Variants in PPP2R3A observed in about 807,000 individuals in gnomAD.
PPP2R3A encodes serine/threonine-protein phosphatase 2A regulatory subunit B'' subunit alpha.
Under a neutral mutation model 106.9 loss-of-function variants are expected in PPP2R3A, and 80 were observed. That is an observed-to-expected ratio of 0.75 (90% CI 0.62 to 0.90). The LOEUF (loss-of-function observed/expected upper bound fraction) is 0.90. PPP2R3A is among the 40% of genes least tolerant of loss of function. The pLI is 0.00. For synonymous variants in PPP2R3A, 483 were observed against 468.3 expected, an observed-to-expected ratio of 1.03 and a Z score of -0.41; for missense variants, 1,386 against 1,350.4, an observed-to-expected ratio of 1.03 and a Z score of -0.41.
chr3:135,989,616 C>T (rs374812251), intron 1 of PPP2R3A, among the ~76,000 whole-genome samples: 2 of 152,030 alleles, frequency 1.3e-5, no homozygotes, highest in South Asian at 4.1e-4. Context: ...TATGTCTTAC[C>T]TTCTTTCTGC....
At chr3:136,000,655 T>C (rs1317806562) in intron 1 of PPP2R3A, among the ~76,000 whole-genome samples, 1 of 152,196 alleles carries the variant, frequency 6.6e-6, no homozygotes, top group African/African-American at 2.4e-5. Context: ...GTAGAAAATA[T>C]GATTATAGAT....
chr3:136,004,032 T>C (rs1262041184), intron 2 of PPP2R3A, among the ~76,000 whole-genome samples: 1 of 152,162 alleles, frequency 6.6e-6, no homozygotes, highest in African/African-American at 2.4e-5. Context: ...TCTGAAACAG[T>C]TCATGAGCAT....
Position 136,091,081 on chromosome 3 carries a change from A to G in PPP2R3A, c.2927+414A>G, listed in dbSNP as rs148674227. 1.3e-3 allele frequency among the ~76,000 whole-genome samples: 191 copies of G among 152,314 alleles called. 2 individuals carry two copies. The East Asian group carries it at 0.023, about 19-fold the overall frequency. On this transcript the variant is annotated intron_variant, in intron 10 of 13. Coordinates refer to ENST00000264977, the MANE Select transcript of PPP2R3A (RefSeq NM_002718.5). ...CTCAGTCTGCCAGTTGAAATCATCT[A>G]TGCTTTTCCTTGGCACTCCCAGACA...
intron 10 of PPP2R3A, 41 bp from the exon 11 acceptor site, chr3:136,101,966 T>A: frequency 6.4e-7 from 1 of 1,572,762 alleles, no homozygotes; most frequent in Non-Finnish European, 8.7e-7. Context: ...AAATAAAAGG[T>A]CTTTACCAGG....
At position 136,005,102 on chromosome 3, in the gene PPP2R3A, G is replaced by A. The variant is rs558017496; in HGVS notation, c.1995+1609G>A. ...TTTGGGCACCAACATGATGCCACAA[G>A]TGGAAAATTCTGCACCTGACCTTGT... is the stretch of plus-strand genomic sequence containing the variant. On this transcript the variant is annotated intron_variant, in intron 2 of 13. Coordinates refer to ENST00000264977, the MANE Select transcript of PPP2R3A (RefSeq NM_002718.5). Among the ~76,000 whole-genome samples, 8 of 152,256 alleles carry A rather than the reference G, an allele frequency of 5.3e-5. No homozygotes were observed. In the South Asian group the frequency reaches 1.7e-3, roughly 32 times the overall value.
chr3:136,102,433 G>A lies in PPP2R3A; in HGVS notation c.3103+251G>A, dbSNP rs899679488. On this transcript the variant is annotated intron_variant, in intron 11 of 13. Transcript: ENST00000264977. ...GTGATCTCAGCTCACTGCAACCTCCGCCTCCTGGGTTCAAGTGATTCTCCT... is the reference window on the plus strand; with the variant it reads ...GTGATCTCAGCTCACTGCAACCTCCACCTCCTGGGTTCAAGTGATTCTCCT... 4.2e-5 allele frequency among the ~76,000 whole-genome samples: 6 copies of A among 141,738 alleles called. No individual in the cohort carries two copies. In the South Asian group the frequency reaches 9.1e-4, roughly 22 times the overall value. The allele number at this position is 141,738 out of a possible 152,430, so 93.0% of individuals were successfully genotyped here.
chr3:135,966,091 C>A (rs993337350), intron 1 of PPP2R3A, among the ~76,000 whole-genome samples: 4 of 151,994 alleles, frequency 2.6e-5, no homozygotes, highest in Non-Finnish European at 5.9e-5. Context: ...TCCCGGGACA[C>A]GGCACCAGGG....
rs911886187 is a variant in PPP2R3A, at chr3:136,146,842, A to G, written c.*1676A>G. 8 of 152,220 alleles carry G rather than the reference A, an allele frequency of 5.3e-5. No homozygotes were observed. The highest frequency in any genetic ancestry group is 1.9e-4 in the East Asian group (1 of 5,186). The allele number at this position is 152,220 out of a possible 1,614,324, so 9.4% of individuals were successfully genotyped here. A position where few individuals can be genotyped will look rare whatever the true frequency, so the allele number is the denominator to read the frequency against. On this transcript the variant is annotated 3_prime_UTR_variant, in exon 14 of 14. Coordinates refer to ENST00000264977, the MANE Select transcript of PPP2R3A (RefSeq NM_002718.5). The stretch of plus-strand genomic sequence containing the variant: ...CCAGCCTTTACCAGGGAAGAAAAGC[A>G]ATTATTTCATTTCAGATAGAAATAC...
intron 1 of PPP2R3A, among the ~76,000 whole-genome samples, chr3:135,976,278 C>T (rs1337883309): frequency 2.0e-5 from 3 of 152,176 alleles, no homozygotes; most frequent in Admixed American, 2.0e-4. Context: ...GGAGAAAGCA[C>T]TCCTTTCTTC....
Position 136,013,270 on chromosome 3 carries a change from G to A in PPP2R3A, c.1995+9777G>A, listed in dbSNP as rs141892800. Among the ~76,000 whole-genome samples, 3 of 151,870 alleles carry A rather than the reference G, an allele frequency of 2.0e-5. No individual in the cohort carries two copies. In the East Asian group the frequency reaches 5.8e-4, roughly 29 times the overall value. ...CACTCATTGATTGATGAGCATTTGG[G>A]CTGGTTCCATAGTTTTGCAATTGCA... On this transcript the variant is annotated intron_variant, in intron 2 of 13. Coordinates refer to ENST00000264977, the MANE Select transcript of PPP2R3A (RefSeq NM_002718.5).
At position 135,992,840 on chromosome 3, in the gene PPP2R3A, G is replaced by A. The variant is rs574863333; in HGVS notation, c.-440-8219G>A. Among the ~76,000 whole-genome samples the A allele has an allele frequency of 5.9e-5, 9 of 152,198 alleles. No homozygotes were observed. In the South Asian group the frequency reaches 1.9e-3, roughly 32 times the overall value. On this transcript the variant is annotated intron_variant, in intron 1 of 13. Transcript: ENST00000264977. ...TTTGAGCATATATAAGATGAGAAAC[G>A]GGGCAAAGCACAAAACTCTGAGGAA...
At chr3:135,997,200 C>T (rs1365856032) in intron 1 of PPP2R3A, among the ~76,000 whole-genome samples, 1 of 152,202 alleles carries the variant, frequency 6.6e-6, no homozygotes, top group Non-Finnish European at 1.5e-5. Flanking sequence ...TCTACCTACA[C>T]CACTTTTTTT....
chr3:136,103,786 C>T (rs181283801), intron 12 of PPP2R3A, among the ~76,000 whole-genome samples: 40 of 152,248 alleles, frequency 2.6e-4, no homozygotes, highest in Non-Finnish European at 5.0e-4. Context: ...TTCCCCATCA[C>T]GGTAAAAACT....
intron 13 of PPP2R3A, among the ~76,000 whole-genome samples, chr3:136,137,885 G>A (rs1938690213): frequency 6.6e-6 from 1 of 152,064 alleles, no homozygotes; most frequent in African/African-American, 2.4e-5. Context: ...TGGAAACTAA[G>A]GCACTATAGG....
chr3:135,986,765 G>T (rs569440663), intron 1 of PPP2R3A, among the ~76,000 whole-genome samples: 3 of 152,198 alleles, frequency 2.0e-5, no homozygotes, highest in Non-Finnish European at 4.4e-5. Flanking sequence ...AATTCTTTCT[G>T]TTGTGTCATC....
At chr3:136,115,437 A>G (rs1183412160) in intron 13 of PPP2R3A, among the ~76,000 whole-genome samples, 2 of 151,994 alleles carry the variant, frequency 1.3e-5, no homozygotes, top group East Asian at 1.9e-4. Context: ...AAGGTGGGTA[A>G]TAACAAACTG....
intron 3 of PPP2R3A, among the ~76,000 whole-genome samples, chr3:136,029,799 C>A (rs1016226556): frequency 6.6e-6 from 1 of 152,216 alleles, no homozygotes; most frequent in African/African-American, 2.4e-5. Context: ...GCCCTAAATT[C>A]TATTCATGGG....
chr3:136,056,946 C>T (rs986201741), intron 5 of PPP2R3A, among the ~76,000 whole-genome samples: 8 of 152,108 alleles, frequency 5.3e-5, no homozygotes, highest in Admixed American at 2.0e-4. Flanking sequence ...CTCAGCATCA[C>T]TAATCATCAG....
At chr3:136,064,439 G>A (rs2107895432) in intron 5 of PPP2R3A, among the ~76,000 whole-genome samples, 1 of 151,980 alleles carries the variant, frequency 6.6e-6, no homozygotes. Context: ...ACTCTGGAGG[G>A]GTGCATGGGT....
Sources: gnomAD v4.1 joint callset for allele counts (sites outside exome capture counted in the v4.1 genomes callset) on GRCh38, gnomAD v4.1.1 for gene constraint, MANE v1.5 for transcripts, NCBI Gene and HGNC (gene_info 2026-07-23, HGNC 2026-07-21) for gene names.